The following STOX2 variants were observed in gnomAD, a reference collection of about 807,000 sequenced individuals.
STOX2 encodes the protein storkhead-box protein 2.
STOX2 carries 28 observed loss-of-function variants against 60.9 expected under a neutral mutation model. That is an observed-to-expected ratio of 0.46 (90% confidence interval 0.34 to 0.63). The LOEUF (loss-of-function observed/expected upper bound fraction) is 0.63. STOX2 is among the 30% of genes least tolerant of loss of function. The pLI is 0.01. For synonymous variants in STOX2, 472 were observed against 463.9 expected (o/e 1.02, Z -0.22); for missense variants, 1,024 against 1,187.7 (o/e 0.86, Z 2.03).
chr4:183,842,546 G>A lies in STOX2; in HGVS notation c.364+44491G>A, dbSNP rs1329610982. ...ACAGGAATGTGAATCAAATTGCTCT[G>A]TAATTTTATATATTTAATAAAGTAT... On this transcript the variant is annotated intron_variant, in intron 1 of 2. Coordinates refer to the STOX2 transcript ENST00000513034. Among the ~76,000 whole-genome samples the A allele has an allele frequency of 3.9e-5, 6 of 152,286 alleles. No homozygotes were observed. In the South Asian group the frequency reaches 1.0e-3, roughly 26 times the overall value.
At chr4:183,842,459 G>C (rs1739884883) in intron 1 of STOX2, among the ~76,000 whole-genome samples, 1 of 152,100 alleles carries the variant, frequency 6.6e-6, no homozygotes, top group Non-Finnish European at 1.5e-5. Context: ...CTGCCACCCT[G>C]TTTGTAGTTT....
intron 1 of STOX2, among the ~76,000 whole-genome samples, chr4:183,956,435 CA>C (rs57227431): frequency 5.9e-5 from 8 of 134,592 alleles, no homozygotes; most frequent in South Asian, 2.4e-4. Context: ...ATCATTCTAT[CA>C]TTCATCTATC....
chr4:183,962,432 C>T (rs1743439709), intron 1 of STOX2, among the ~76,000 whole-genome samples: 1 of 151,898 alleles, frequency 6.6e-6, no homozygotes, highest in Non-Finnish European at 1.5e-5. Context: ...CATTTTAAAG[C>T]ATCTAACAAA....
At chr4:183,877,026 C>T (rs111859711) in intron 1 of STOX2, among the ~76,000 whole-genome samples, 2 of 152,238 alleles carry the variant, frequency 1.3e-5, no homozygotes, top group African/African-American at 4.8e-5. Context: ...GGAAAAAAGG[C>T]CCATACTATG....
intron 1 of STOX2, among the ~76,000 whole-genome samples, chr4:183,994,061 C>T (rs1398244933): frequency 2.0e-5 from 3 of 152,222 alleles, no homozygotes; most frequent in African/African-American, 7.2e-5. Context: ...CAAGATTTGT[C>T]TGAGGCGCTG....
intron 1 of STOX2, among the ~76,000 whole-genome samples, chr4:183,986,543 T>C (rs1254119068): frequency 6.6e-6 from 1 of 152,198 alleles, no homozygotes; most frequent in Admixed American, 6.5e-5. Flanking sequence ...AAAGCAAGCA[T>C]CTCAATGGAT....
chr4:183,951,414 A>G (rs530411079), intron 1 of STOX2, among the ~76,000 whole-genome samples: 2 of 144,158 alleles, frequency 1.4e-5, no homozygotes, highest in East Asian at 4.1e-4. Flanking sequence ...ATTTTCATCC[A>G]TGATTTAGAG....
intron 1 of STOX2, among the ~76,000 whole-genome samples, chr4:183,987,167 G>A (rs1019128558): frequency 6.6e-6 from 1 of 152,144 alleles, no homozygotes; most frequent in Non-Finnish European, 1.5e-5. Flanking sequence ...CGTGAGATTC[G>A]TTTCCTTGGC....
chr4:183,800,726 G>T (rs1738742846), intron 1 of STOX2, among the ~76,000 whole-genome samples: 1 of 152,198 alleles, frequency 6.6e-6, no homozygotes, highest in African/African-American at 2.4e-5. Context: ...GGGGGATACA[G>T]ATTATTTATA....
intron 1 of STOX2, among the ~76,000 whole-genome samples, chr4:183,969,806 G>A (rs1469235041): frequency 6.6e-6 from 1 of 152,136 alleles, no homozygotes; most frequent in Non-Finnish European, 1.5e-5. Context: ...GTTTTCTGTA[G>A]AGATGGGATC....
intron 3 of STOX2, chr4:184,015,826 T>G (rs1734346927): frequency 1.3e-5 from 2 of 152,242 alleles, no homozygotes; most frequent in African/African-American, 4.8e-5. Context: ...TTGAGAATGC[T>G]TCTGGCTTCC....
At chr4:183,998,880 C>T (rs1733459683) in intron 1 of STOX2, among the ~76,000 whole-genome samples, 1 of 151,640 alleles carries the variant, frequency 6.6e-6, no homozygotes, top group African/African-American at 2.4e-5. Context: ...TTGGGCTGGG[C>T]ATGGTGGCTC....
Position 184,017,327 on chromosome 4 carries a change from A to C in STOX2, c.*43A>C. On this transcript the variant is annotated 3_prime_UTR_variant, in exon 4 of 4. Coordinates refer to ENST00000308497, the MANE Select transcript of STOX2 (RefSeq NM_020225.3). ...ATCTTCTGTCTCATTCGATACAGCA[A>C]AGTTTACGACACTGGGACTGATGTT... The C allele has an allele frequency of 6.7e-7, 1 of 1,499,464 alleles. No homozygotes were observed. The highest frequency in any genetic ancestry group is 1.3e-5 in the South Asian group (1 of 77,618). The allele number at this position is 1,499,464 out of a possible 1,614,324, so 92.9% of individuals were successfully genotyped here. A position where few individuals can be genotyped will look rare whatever the true frequency, so the allele number is the denominator to read the frequency against.
intron 1 of STOX2, among the ~76,000 whole-genome samples, chr4:183,869,355 A>G (rs1298919971): frequency 1.3e-5 from 2 of 152,184 alleles, no homozygotes; most frequent in Non-Finnish European, 2.9e-5. Flanking sequence ...GTGCATATCA[A>G]TTGAGGGGTA....
chr4:184,012,509 G>A (rs1288586477), intron 3 of STOX2, among the ~76,000 whole-genome samples: 1 of 152,168 alleles, frequency 6.6e-6, no homozygotes, highest in Non-Finnish European at 1.5e-5. Context: ...TTGGAAGTGA[G>A]CATCACACAG....
chr4:183,930,107 A>G (rs6844210), intron 1 of STOX2, among the ~76,000 whole-genome samples: 39,985 of 148,720 alleles, frequency 0.27, 9,934 homozygotes, highest in African/African-American at 0.66. Flanking sequence ...CTCGTGATCC[A>G]CCCGCCTCGG....
rs565056185 is a variant in STOX2 at position 184,010,878 on chromosome 4, C to A, written c.2040C>A (p.Leu680=). 14 of 1,610,914 alleles carry A rather than the reference C, an allele frequency of 8.7e-6. No homozygotes were observed. Among genetic ancestry groups the A allele is most frequent in the South Asian group, 3.3e-5 (3 of 90,480 alleles). The part of the protein sequence containing the change: ...GVAEGIANGR[L]VQHHGAEPSS... Reference sequence around the variant, plus strand: ...CTGAAGGGATCGCCAACGGACGCCTCGTCCAGCACCATGGTGCCGAGCCCA... The same window carrying A: ...CTGAAGGGATCGCCAACGGACGCCTAGTCCAGCACCATGGTGCCGAGCCCA... The change falls in exon 3 of 4, where the codon CTC becomes CTA. Residue 680 remains leucine (L), a synonymous_variant. Transcript: ENST00000308497. The surrounding 1 kb of genome is among the most constrained non-coding windows in gnomAD (Gnocchi z 4.5).
rs1447590211 is a variant in STOX2 at position 183,813,201 on chromosome 4, G to A, written c.364+15146G>A. On this transcript the variant is annotated intron_variant, in intron 1 of 2. Transcript: ENST00000513034. Reference sequence around the variant, plus strand: ...GAGTTGGAGACCAGTGTGTCCACATGGTGAAAACCCGTCTCTACTAAAAAT... The same window carrying A: ...GAGTTGGAGACCAGTGTGTCCACATAGTGAAAACCCGTCTCTACTAAAAAT... Among the ~76,000 whole-genome samples, 9 of 152,242 alleles carry A rather than the reference G, an allele frequency of 5.9e-5. No individual in the cohort carries two copies. The South Asian group carries it at 1.9e-3, about 32-fold the overall frequency.
rs1189159729 is a variant in STOX2, at chr4:184,011,704, TTC to T, written c.2585+283_2585+284del. ...CTAAAACCAATATTTCCAGTATTTT[TTC>T]TGCTACGTTCATATTGCCACCCATG... On this transcript the variant is annotated intron_variant, in intron 3 of 3. Coordinates refer to ENST00000308497, the MANE Select transcript of STOX2 (RefSeq NM_020225.3). This position sits in a 1 kb window ranked among gnomAD's most constrained non-coding sequence, Gnocchi z 4.4. The T allele has an allele frequency of 4.2e-6, 5 of 1,198,666 alleles. No individual in the cohort carries two copies. Among genetic ancestry groups the T allele is most frequent in the Non-Finnish European group, 5.5e-6 (5 of 911,588 alleles). The allele number at this position is 1,198,666 out of a possible 1,614,324, so 74.3% of individuals were successfully genotyped here.
Sources: allele counts gnomAD v4.1 joint callset (sites outside exome capture counted in the v4.1 genomes callset), GRCh38; gene constraint gnomAD v4.1.1; non-coding constraint Gnocchi (gnomAD v3.1); transcripts MANE v1.5; gene names NCBI Gene and HGNC (gene_info 2026-07-23, HGNC 2026-07-21).